Variants in ANAPC10 observed in about 807,000 individuals in gnomAD.
ANAPC10 encodes the protein anaphase-promoting complex subunit 10.
Under a neutral mutation model 22.0 loss-of-function variants are expected in ANAPC10, and 12 were observed. That is an observed-to-expected ratio of 0.55 (90% CI 0.35 to 0.88). ANAPC10 has a LOEUF of 0.88. ANAPC10 is among the 40% of genes least tolerant of loss of function. ANAPC10 has a pLI of 0.01. For missense variants in ANAPC10, 188 were observed against 220.9 expected, an observed-to-expected ratio of 0.85 and a Z score of 0.94; for synonymous variants, 65 against 69.5, an observed-to-expected ratio of 0.94 and a Z score of 0.32.
chr4:145,081,267 TG>T (rs1322596206), intron 3 of ANAPC10, among the ~76,000 whole-genome samples: 2 of 151,734 alleles, frequency 1.3e-5, no homozygotes, highest in African/African-American at 2.4e-5. Flanking sequence ...AGTAAAAATT[TG>T]AGAAGTTATA....
intron 4 of ANAPC10, among the ~76,000 whole-genome samples, chr4:145,001,468 T>A (rs896568922): frequency 3.3e-5 from 5 of 151,998 alleles, no homozygotes; most frequent in African/African-American, 1.2e-4. Context: ...GAAAGAGAAA[T>A]TGAAATTTAT....
chr4:145,068,133 C>T (rs902607285), intron 3 of ANAPC10, among the ~76,000 whole-genome samples: 14 of 152,204 alleles, frequency 9.2e-5, no homozygotes, highest in African/African-American at 3.1e-4. Flanking sequence ...CCTGGACTGC[C>T]AGGCTCCTCT....
chr4:145,004,013 T>G (rs1295769072), intron 4 of ANAPC10, among the ~76,000 whole-genome samples: 1 of 152,040 alleles, frequency 6.6e-6, no homozygotes, highest in Non-Finnish European at 1.5e-5. Flanking sequence ...TCTCTGATTT[T>G]ATTTTATTTT....
At chr4:145,090,205 T>C (rs1747463629) in intron 2 of ANAPC10, among the ~76,000 whole-genome samples, 7 of 152,212 alleles carry the variant, frequency 4.6e-5, no homozygotes, top group Admixed American at 4.6e-4. Context: ...TCCTCTTGTA[T>C]ACTTCAAATC....
chr4:145,066,080 T>C (rs1206485130), intron 3 of ANAPC10, among the ~76,000 whole-genome samples: 1 of 152,110 alleles, frequency 6.6e-6, no homozygotes, highest in African/African-American at 2.4e-5. Context: ...GCACTAACTT[T>C]GTAACAATGA....
chr4:145,030,858 G>T (rs1737475705), intron 4 of ANAPC10, among the ~76,000 whole-genome samples: 1 of 152,234 alleles, frequency 6.6e-6, no homozygotes, highest in South Asian at 2.1e-4. Context: ...GGACGTGGGG[G>T]TGGTAATTCC....
chr4:145,027,659 T>C (rs1011879749), intron 4 of ANAPC10, among the ~76,000 whole-genome samples: 2 of 152,180 alleles, frequency 1.3e-5, no homozygotes, highest in Non-Finnish European at 2.9e-5. Flanking sequence ...AAATTAAAAG[T>C]GGCATTGTAT....
At chr4:145,015,060 C>G (rs367961757) in intron 4 of ANAPC10, among the ~76,000 whole-genome samples, 7 of 152,096 alleles carry the variant, frequency 4.6e-5, no homozygotes, top group African/African-American at 1.4e-4. Context: ...CATATTGGCT[C>G]ACCAGCAGTG....
chr4:144,997,335 C>T (rs1302523666), intron 4 of ANAPC10, among the ~76,000 whole-genome samples: 11 of 152,130 alleles, frequency 7.2e-5, no homozygotes, highest in African/African-American at 2.7e-4. Context: ...GGCAGCCAGA[C>T]AGAAAGGTCG....
chr4:145,016,375 C>T (rs959876723), intron 4 of ANAPC10, among the ~76,000 whole-genome samples: 4 of 152,014 alleles, frequency 2.6e-5, no homozygotes, highest in African/African-American at 9.7e-5. Context: ...TCACAATTGC[C>T]TCAAAGACAA....
intron 4 of ANAPC10, among the ~76,000 whole-genome samples, chr4:145,014,268 C>T (rs532541707): frequency 3.9e-5 from 6 of 152,046 alleles, no homozygotes; most frequent in Admixed American, 1.3e-4. Flanking sequence ...TGAGTGAGAC[C>T]GGCCCTTTGG....
chr4:145,035,971 T>C (rs1738462851), intron 4 of ANAPC10, among the ~76,000 whole-genome samples: 1 of 152,028 alleles, frequency 6.6e-6, no homozygotes, highest in Non-Finnish European at 1.5e-5. Context: ...GAACTGAGAG[T>C]TACGTATTGC....
intron 4 of ANAPC10, among the ~76,000 whole-genome samples, chr4:145,041,303 ACT>A (rs1302030128): frequency 6.6e-6 from 1 of 152,204 alleles, no homozygotes; most frequent in Admixed American, 6.5e-5. Context: ...TACTGAACTA[ACT>A]CTATTACTTA....
intron 4 of ANAPC10, among the ~76,000 whole-genome samples, chr4:145,015,294 T>A (rs962738169): frequency 2.0e-5 from 3 of 151,596 alleles, no homozygotes; most frequent in African/African-American, 7.3e-5. Flanking sequence ...TGCAAAATGC[T>A]CTGGAAAGTC....
chr4:145,018,502 G>A (rs1197377198), intron 4 of ANAPC10, among the ~76,000 whole-genome samples: 1 of 152,076 alleles, frequency 6.6e-6, no homozygotes, highest in Non-Finnish European at 1.5e-5. Context: ...GCCAGGCATG[G>A]TGGCAGGCAC....
chr4:145,085,325 T>C (rs1174225297), intron 2 of ANAPC10, among the ~76,000 whole-genome samples: 1 of 152,202 alleles, frequency 6.6e-6, no homozygotes, highest in Admixed American at 6.5e-5. Context: ...CTTAACTCTC[T>C]TTTTCTTTTT....
At chr4:145,000,899 A>G (rs987088506) in intron 4 of ANAPC10, among the ~76,000 whole-genome samples, 8 of 152,162 alleles carry the variant, frequency 5.3e-5, no homozygotes, top group Non-Finnish European at 1.0e-4. Flanking sequence ...TTGCAGGGAC[A>G]TGCATGAAGC....
At chr4:145,063,653 A>C (rs965712675) in intron 4 of ANAPC10, among the ~76,000 whole-genome samples, 5 of 152,130 alleles carry the variant, frequency 3.3e-5, no homozygotes, top group Non-Finnish European at 7.4e-5. Flanking sequence ...CCACAGCTTC[A>C]CAATTATGTA....
At chr4:145,091,846 T>C (rs1747726233) in intron 2 of ANAPC10, among the ~76,000 whole-genome samples, 1 of 151,970 alleles carries the variant, frequency 6.6e-6, no homozygotes, top group Non-Finnish European at 1.5e-5. Context: ...TATCCAGCCA[T>C]AAAAAGGAAT....
Sources: allele counts gnomAD v4.1 joint callset (sites outside exome capture counted in the v4.1 genomes callset), GRCh38; gene constraint gnomAD v4.1.1; transcripts MANE v1.5; gene names NCBI Gene and HGNC (gene_info 2026-07-23, HGNC 2026-07-21).